DHX15: variants seen among roughly 807,000 people sequenced by gnomAD.
The protein encoded by DHX15 is DEAH-box helicase 15, also known as ATP-dependent RNA helicase DHX15.
DHX15 carries 11 observed loss-of-function variants against 94.4 expected under a neutral mutation model. That is an observed-to-expected ratio of 0.12 (90% CI 0.07 to 0.19). DHX15 has a LOEUF of 0.19. Ranked by LOEUF, DHX15 falls within the 10% of genes least tolerant of loss-of-function variation. The pLI, the probability that DHX15 is intolerant of heterozygous loss-of-function variation, is 1.00. For missense variants in DHX15, 304 were observed against 988.5 expected (o/e 0.31, Z 9.29); for synonymous variants, 338 against 329.9 (o/e 1.02, Z -0.27).
In DHX15 at chr4:24,572,289, C is replaced by A. The variant is rs556052693; in HGVS notation, c.508-1442G>T. Among the ~76,000 whole-genome samples, 5 of 152,272 alleles carry A rather than the reference C, an allele frequency of 3.3e-5. No individual in the cohort carries two copies. The East Asian group carries it at 9.6e-4, about 29-fold the overall frequency. On this transcript the variant is annotated intron_variant, in intron 2 of 13. Transcript: ENST00000336812. ...AGCTGGGACTACAGGCACGTGCCAC[C>A]ACGCCTGGCTAATTTTTTGTATTTT...
intron 2 of DHX15, among the ~76,000 whole-genome samples, chr4:24,573,327 G>A (rs1205716895): frequency 6.6e-6 from 1 of 152,112 alleles, no homozygotes; most frequent in South Asian, 2.1e-4. Context: ...AATATCCTGT[G>A]AAGTCTTATA....
chr4:24,531,152 T>G (rs1293065697), intron 12 of DHX15, among the ~76,000 whole-genome samples: 14 of 151,680 alleles, frequency 9.2e-5, no homozygotes, highest in Admixed American at 7.2e-4. Flanking sequence ...GCAGTGGCGC[T>G]ATCTCGGCTC....
In DHX15 at chr4:24,567,397, T is replaced by A. The variant is rs567839141; in HGVS notation, c.701+3257A>T. On this transcript the variant is annotated intron_variant, in intron 3 of 13. Coordinates refer to ENST00000336812, the MANE Select transcript of DHX15 (RefSeq NM_001358.3). ...TTTGAGACCAGCCTGGCCAATGTGG[T>A]GAAACCCCGTCTCTACTAAAAATAC... Among the ~76,000 whole-genome samples the A allele has an allele frequency of 5.3e-5, 8 of 151,526 alleles. No individual in the cohort carries two copies. The South Asian group carries it at 1.0e-3, about 20-fold the overall frequency.
intron 3 of DHX15, among the ~76,000 whole-genome samples, chr4:24,557,095 G>T (rs1268418122): frequency 6.6e-6 from 1 of 152,128 alleles, no homozygotes; most frequent in Non-Finnish European, 1.5e-5. Context: ...AGTTAGGGAT[G>T]GCTCAAGTGA....
chr4:24,531,189 C>T (rs976982868), intron 12 of DHX15, among the ~76,000 whole-genome samples: 5 of 151,652 alleles, frequency 3.3e-5, no homozygotes, highest in African/African-American at 9.7e-5. Context: ...CCCAGGTTTA[C>T]GCCGTTCTCC....
chr4:24,535,352 C>T, intron 11 of DHX15, among the ~76,000 whole-genome samples: 1 of 152,284 alleles, frequency 6.6e-6, no homozygotes, highest in Middle Eastern at 3.4e-3. Context: ...ACTACATCCC[C>T]TCTGACTGAA....
At chr4:24,536,232 T>A (rs1469564783) in intron 11 of DHX15, among the ~76,000 whole-genome samples, 1 of 152,224 alleles carries the variant, frequency 6.6e-6, no homozygotes, top group Non-Finnish European at 1.5e-5. Context: ...TTACTTCATA[T>A]GTCTACAGCA....
chr4:24,582,195 A>G (rs1412981328), intron 1 of DHX15, among the ~76,000 whole-genome samples: 1 of 152,222 alleles, frequency 6.6e-6, no homozygotes, highest in East Asian at 1.9e-4. Context: ...TCAAGGATAA[A>G]TGGCACTCAA....
chr4:24,584,245 C>A, intron 1 of DHX15, 78 bp downstream of exon 1: 1 of 1,440,426 alleles, frequency 6.9e-7, no homozygotes, highest in Non-Finnish European at 9.4e-7. Flanking sequence ...CCCGCTCGGC[C>A]AGGCCAGCCC....
Position 24,570,653 on chromosome 4 carries a change from C to T in DHX15, c.701+1G>A. The T allele has an allele frequency of 6.2e-7, 1 of 1,613,968 alleles. No individual in the cohort carries two copies. Among genetic ancestry groups the T allele is most frequent in the Non-Finnish European group, 8.5e-7 (1 of 1,179,910 alleles). On this transcript the variant is annotated splice_donor_variant, in intron 3 of 13. Transcript: ENST00000336812. LOFTEE classifies it high-confidence loss of function. ...AGCGTCATTAAAGATATAGTACTTA[C>T]TTAAGAATGGTTTTTGCACTACTGC...
At position 24,540,940 on chromosome 4, in the gene DHX15, G is replaced by A. The variant is rs1410510826; in HGVS notation, c.1494C>T (p.Thr498=). The change falls in exon 9 of 14, where the codon ACC becomes ACT. Residue 498 remains threonine, a synonymous_variant. Transcript: ENST00000336812. Reference sequence around the variant, plus strand: ...AATTAGAACGCAAAATCTCAGGATAGGTGTTATCCTAGCAAAGAACAAAAA... The same window carrying A: ...AATTAGAACGCAAAATCTCAGGATAAGTGTTATCCTAGCAAAGAACAAAAA... ...KAYKTEMQDN[T]YPEILRSNLG... The A allele has an allele frequency of 1.3e-6, 2 of 1,587,858 alleles. No individual in the cohort carries two copies. Among genetic ancestry groups the A allele is most frequent in the Non-Finnish European group, 8.6e-7 (1 of 1,161,926 alleles).
At chr4:24,550,118 A>AAAAAAAAAAAAAAC (rs1560766877) in intron 5 of DHX15, among the ~76,000 whole-genome samples, 1 of 145,276 alleles carries the variant, frequency 6.9e-6, no homozygotes, top group South Asian at 2.2e-4. Context: ...AAAAAAAAAA[A>AAAAAAAAAAAAAAC]AAAAACGGTA....
At chr4:24,573,102 G>C (rs1450667734) in intron 2 of DHX15, among the ~76,000 whole-genome samples, 1 of 152,190 alleles carries the variant, frequency 6.6e-6, no homozygotes, top group African/African-American at 2.4e-5. Context: ...GTAGAGATGG[G>C]GTTTCACCAT....
intron 6 of DHX15, among the ~76,000 whole-genome samples, chr4:24,547,903 G>GTATATATATA (rs869194543): frequency 2.8e-5 from 2 of 70,750 alleles, no homozygotes; most frequent in African/African-American, 1.2e-4. Flanking sequence ...GTATGTATGT[G>GTATATATATA]TATATATATA....
intron 5 of DHX15, among the ~76,000 whole-genome samples, chr4:24,553,618 T>TA (rs1399391506): frequency 2.7e-5 from 4 of 149,040 alleles, no homozygotes; most frequent in African/African-American, 7.4e-5. Flanking sequence ...TACTAAAAAT[T>TA]AAAAAAAAAT....
chr4:24,553,765 G>A (rs752996484), intron 5 of DHX15, among the ~76,000 whole-genome samples: 8 of 151,942 alleles, frequency 5.3e-5, no homozygotes, highest in African/African-American at 1.7e-4. Context: ...TTGACAGAGC[G>A]CGACTCTGTC....
At chr4:24,557,052 TTG>T (rs1238960939) in intron 3 of DHX15, among the ~76,000 whole-genome samples, 11 of 152,134 alleles carry the variant, frequency 7.2e-5, no homozygotes, top group Non-Finnish European at 1.0e-4. Flanking sequence ...TGACGTCAGA[TTG>T]ATCAATGAAC....
chr4:24,547,950 T>TATAG, intron 6 of DHX15, among the ~76,000 whole-genome samples: 1 of 12,202 alleles, frequency 8.2e-5, no homozygotes, highest in African/African-American at 4.6e-4. Context: ...TATCTATATC[T>TATAG]ATATCTATAT....
At chr4:24,557,422 TTAG>T (rs960988260) in intron 3 of DHX15, among the ~76,000 whole-genome samples, 25 of 152,270 alleles carry the variant, frequency 1.6e-4, no homozygotes, top group Middle Eastern at 3.4e-3. Context: ...CTTTTTATGA[TTAG>T]TCTAACCTAA....
Sources: gnomAD v4.1 joint callset for allele counts (sites outside exome capture counted in the v4.1 genomes callset) on GRCh38, gnomAD v4.1.1 for gene constraint, MANE v1.5 for transcripts, NCBI Gene and HGNC (gene_info 2026-07-23, HGNC 2026-07-21) for gene names.